DIAPH2: variants seen among roughly 807,000 people sequenced by gnomAD.
DIAPH2 encodes diaphanous related formin 2.
DIAPH2 carries 35 observed loss-of-function variants against 92.7 expected under a neutral mutation model. The observed-to-expected ratio is 0.38, with a 90% confidence interval of 0.29 to 0.50. The LOEUF (loss-of-function observed/expected upper bound fraction) is 0.50. DIAPH2 is among the 20% of genes least tolerant of loss of function. DIAPH2 has a pLI of 0.94. For synonymous variants in DIAPH2, 301 were observed against 280.4 expected, an observed-to-expected ratio of 1.07 and a Z score of -0.73; for missense variants, 701 against 819.5, an observed-to-expected ratio of 0.86 and a Z score of 1.77.
Position 97,068,058 on chromosome X carries a change from ATTC to A in DIAPH2, c.2051-4876_2051-4874del, listed in dbSNP as rs60048953. Among the ~76,000 whole-genome samples, 443 of 112,029 alleles carry A rather than the reference ATTC, an allele frequency of 4.0e-3. 17 individuals are homozygous for A. In the East Asian group the frequency reaches 0.11, roughly 28 times the overall value. On this transcript the variant is annotated intron_variant, in intron 17 of 26. Transcript: ENST00000324765. ...TACTGTCAACCATTGGCATAATCAAATTCTTCTTCGTATCTTCATCAATACTTG... is the reference window on the plus strand; with the variant it reads ...TACTGTCAACCATTGGCATAATCAAATTCTTCGTATCTTCATCAATACTTG...
chrX:97,516,053 A>G (rs2070944823), intron 26 of DIAPH2, among the ~76,000 whole-genome samples: 1 of 110,637 alleles, frequency 9.0e-6, no homozygotes, highest in African/African-American at 3.3e-5. Context: ...GGAGTTCGAG[A>G]TCAGCCTGGC....
chrX:97,416,780 T>G (rs1034907675), intron 25 of DIAPH2, among the ~76,000 whole-genome samples: 1 of 112,274 alleles, frequency 8.9e-6, no homozygotes, highest in African/African-American at 3.2e-5. Context: ...TACTAACCCC[T>G]CATCTTTGTT....
At chrX:97,076,748 G>A (rs886591183) in intron 19 of DIAPH2, among the ~76,000 whole-genome samples, 6 of 111,241 alleles carry the variant, frequency 5.4e-5, no homozygotes, top group African/African-American at 2.0e-4. Context: ...AAATCTAGGC[G>A]TGATTTTTAA....
intron 26 of DIAPH2, among the ~76,000 whole-genome samples, chrX:97,590,789 T>TCAA (rs1160197941): frequency 7.1e-5 from 8 of 112,007 alleles, no homozygotes; most frequent in African/African-American, 2.6e-4. Context: ...TATCTAGGCT[T>TCAA]CAACAATAGA....
intron 26 of DIAPH2, among the ~76,000 whole-genome samples, chrX:97,562,555 G>A (rs181900779): frequency 9.9e-4 from 109 of 110,171 alleles, no homozygotes; most frequent in Admixed American, 4.5e-3. Flanking sequence ...ATTAAGAAAG[G>A]CCATGTGACT....
At chrX:97,545,103 T>C (rs2147859356) in intron 26 of DIAPH2, among the ~76,000 whole-genome samples, 1 of 110,973 alleles carries the variant, frequency 9.0e-6, no homozygotes, top group Admixed American at 9.6e-5. Context: ...AAGTGAATGA[T>C]GCCCTTTTCT....
intron 9 of DIAPH2, among the ~76,000 whole-genome samples, chrX:96,929,433 T>G (rs1002488162): frequency 9.0e-6 from 1 of 111,398 alleles, no homozygotes; most frequent in Non-Finnish European, 1.9e-5. Context: ...CATTCAGATA[T>G]CTGGTCATGT....
intron 25 of DIAPH2, among the ~76,000 whole-genome samples, chrX:97,414,626 C>T (rs1458074371): frequency 2.0e-5 from 2 of 102,412 alleles, no homozygotes; most frequent in Non-Finnish European, 4.0e-5. Flanking sequence ...TGTACTCCAG[C>T]CTGGGCGACA....
chrX:97,058,433 G>T (rs2066572688), intron 17 of DIAPH2, among the ~76,000 whole-genome samples: 1 of 102,136 alleles, frequency 9.8e-6, no homozygotes, highest in Non-Finnish European at 2.0e-5. Flanking sequence ...TGCTCTGTAT[G>T]ATCTGAAATG....
chrX:97,298,967 G>A (rs2068670973), intron 23 of DIAPH2, among the ~76,000 whole-genome samples: 1 of 111,569 alleles, frequency 9.0e-6, no homozygotes, highest in South Asian at 3.7e-4. Flanking sequence ...ACACAAACCA[G>A]GAAGAATGTT....
intron 1 of DIAPH2, among the ~76,000 whole-genome samples, chrX:96,688,679 A>G (rs1182451961): frequency 8.9e-6 from 1 of 112,436 alleles, no homozygotes; most frequent in Non-Finnish European, 1.9e-5. Context: ...GATTTCATTT[A>G]TGCAATACAG....
chrX:96,923,476 A>G (rs760716363), intron 9 of DIAPH2, among the ~76,000 whole-genome samples: 2 of 112,211 alleles, frequency 1.8e-5, no homozygotes, highest in African/African-American at 6.5e-5. Context: ...GCAGCCTACA[A>G]ATGTCACCAG....
intron 5 of DIAPH2, among the ~76,000 whole-genome samples, chrX:96,900,082 A>G (rs1446723611): frequency 2.7e-5 from 3 of 111,929 alleles, no homozygotes; most frequent in African/African-American, 9.7e-5. Flanking sequence ...CATTTTCACA[A>G]TATTGGTTCT....
chrX:96,732,433 C>T (rs1048589460), intron 1 of DIAPH2, among the ~76,000 whole-genome samples: 3 of 111,247 alleles, frequency 2.7e-5, no homozygotes, highest in Non-Finnish European at 3.8e-5. Context: ...ACAGTTATAA[C>T]GAAGAGCTTT....
intron 5 of DIAPH2, among the ~76,000 whole-genome samples, chrX:96,900,194 T>C (rs1009781177): frequency 1.8e-5 from 2 of 111,883 alleles, no homozygotes; most frequent in South Asian, 7.5e-4. Flanking sequence ...TTTGCCTCCT[T>C]GGTTAAGTAT....
chrX:96,888,601 ATATC>A (rs1345208060), intron 5 of DIAPH2, among the ~76,000 whole-genome samples: 4 of 101,075 alleles, frequency 4.0e-5, no homozygotes, highest in East Asian at 3.0e-4. Flanking sequence ...ACAGATATAT[ATATC>A]TATATATATC....
At chrX:96,847,905 G>C (rs770354257) in intron 4 of DIAPH2, among the ~76,000 whole-genome samples, 2 of 111,275 alleles carry the variant, frequency 1.8e-5, no homozygotes, top group Non-Finnish European at 3.8e-5. Context: ...GTATTATCCC[G>C]TTTATCTTGT....
chrX:97,197,390 A>C (rs2067712625), intron 22 of DIAPH2, among the ~76,000 whole-genome samples: 1 of 112,026 alleles, frequency 8.9e-6, no homozygotes, highest in Non-Finnish European at 1.9e-5. Context: ...ATACTAAAGA[A>C]ATTATGTGCT....
intron 17 of DIAPH2, among the ~76,000 whole-genome samples, chrX:97,048,716 A>T (rs969269510): frequency 4.5e-5 from 5 of 111,203 alleles, no homozygotes; most frequent in African/African-American, 1.6e-4. Flanking sequence ...TTCTACTGTA[A>T]GCAAGACCTC....
Sources: gnomAD v4.1 joint callset for allele counts (sites outside exome capture counted in the v4.1 genomes callset) on GRCh38, gnomAD v4.1.1 for gene constraint, MANE v1.5 for transcripts, NCBI Gene and HGNC (gene_info 2026-07-23, HGNC 2026-07-21) for gene names.